The following RTTN variants were observed in gnomAD, a reference collection of about 807,000 sequenced individuals.
RTTN encodes the protein rotatin.
A neutral mutation model predicts 269.2 loss-of-function variants in RTTN; 182 were observed. That is an observed-to-expected ratio of 0.68 (90% CI 0.60 to 0.76). The LOEUF (loss-of-function observed/expected upper bound fraction) is 0.76, where lower values mean the gene tolerates loss of function less well. Among genes scored for constraint, RTTN ranks in the 30% least tolerant of loss-of-function variants. The pLI, the probability that RTTN is intolerant of heterozygous loss-of-function variation, is 0.00. For missense variants in RTTN, 2,545 were observed against 2,608.6 expected, an observed-to-expected ratio of 0.98 and a Z score of 0.53; for synonymous variants, 1,006 against 963.5, an observed-to-expected ratio of 1.04 and a Z score of -0.82.
Position 70,190,563 on chromosome 18 carries a change from T to A in RTTN, c.1164A>T (p.Glu388Asp), listed in dbSNP as rs1197674425. ...SLPQFCVSIL[E>D]SAVPLLRTGS... ...CTGTTCTTAAGAGAGGAACAGCTGATTCCAGAATGGAGACACAAAACTGGG... is the reference window on the plus strand; with the variant it reads ...CTGTTCTTAAGAGAGGAACAGCTGAATCCAGAATGGAGACACAAAACTGGG... The change falls in exon 9 of 49, where the codon GAA becomes GAT. Residue 388 changes from glutamate (E) to aspartate (D), a missense_variant. Coordinates refer to ENST00000640769, the MANE Select transcript of RTTN (RefSeq NM_173630.4). 1 of 1,613,502 alleles carries A rather than the reference T, an allele frequency of 6.2e-7. No individual in the cohort carries two copies. The highest frequency in any genetic ancestry group is 1.7e-5 in the Admixed American group (1 of 60,016).
chr18:70,204,924 T>C (rs2062037949), intron 2 of RTTN, among the ~76,000 whole-genome samples: 1 of 152,216 alleles, frequency 6.6e-6, no homozygotes, highest in South Asian at 2.1e-4. Flanking sequence ...TCTGTGTTAC[T>C]TCTGAGCACA....
At chr18:70,186,532 T>C (rs1180180553) in intron 10 of RTTN, among the ~76,000 whole-genome samples, 1 of 152,096 alleles carries the variant, frequency 6.6e-6, no homozygotes, top group East Asian at 1.9e-4. Flanking sequence ...GGCAGGCAGA[T>C]CACTTGAGGC....
At chr18:70,055,046 T>A (rs12958738) in intron 37 of RTTN, among the ~76,000 whole-genome samples, 134,250 of 152,184 alleles carry the variant, frequency 0.88, 60,589 homozygotes, top group East Asian at 1. Flanking sequence ...CAGCATAAAA[T>A]TACTATTATT....
rs191091123 is a variant in RTTN, at chr18:70,046,778, T to C, written c.5541+1193A>G. Among the ~76,000 whole-genome samples, 11 of 152,306 alleles carry C rather than the reference T, an allele frequency of 7.2e-5. No individual in the cohort carries two copies. The East Asian group carries it at 2.1e-3, about 30-fold the overall frequency. Reference sequence around the variant, plus strand: ...CTATCCAGGCTTCTGAAGGCGCTGCTGGAGATGGATGAGAAAATGGGGGAT... The same window carrying C: ...CTATCCAGGCTTCTGAAGGCGCTGCCGGAGATGGATGAGAAAATGGGGGAT... On this transcript the variant is annotated intron_variant, in intron 40 of 48. Coordinates refer to ENST00000640769, the MANE Select transcript of RTTN (RefSeq NM_173630.4).
intron 43 of RTTN, among the ~76,000 whole-genome samples, chr18:70,027,416 C>A (rs148987314): frequency 0.015 from 2,263 of 152,284 alleles, 22 homozygotes; most frequent in Non-Finnish European, 0.022. Context: ...TCTTATTAAA[C>A]AACTTAGAAA....
At position 70,017,657 on chromosome 18, in the gene RTTN, G is replaced by A; in HGVS notation, c.6171C>T (p.Asn2057=). The change falls in exon 46 of 49, where the codon AAC becomes AAT. Residue 2057 remains asparagine (N), a synonymous_variant. Coordinates refer to ENST00000640769, the MANE Select transcript of RTTN (RefSeq NM_173630.4). ...CTTTTGGCAATGCTAGAGAGAGGAA[G>A]TTCTGTAAGAAGTTACTCTGTGGAT... ...GVIQKSNFLQ[N]FLSLALPKGG... The A allele has an allele frequency of 1.2e-6, 2 of 1,611,366 alleles. No homozygotes were observed. The highest frequency in any genetic ancestry group is 1.7e-6 in the Non-Finnish European group (2 of 1,178,316).
chr18:70,199,392 GA>G, intron 5 of RTTN, 21 bp downstream of exon 5: 4 of 1,533,924 alleles, frequency 2.6e-6, no homozygotes, highest in Non-Finnish European at 3.6e-6. Context: ...AAAAATACCT[GA>G]AAATACATCA....
intron 28 of RTTN, among the ~76,000 whole-genome samples, chr18:70,096,479 T>G (rs1188786662): frequency 2.0e-5 from 3 of 152,168 alleles, no homozygotes; most frequent in Admixed American, 2.0e-4. Flanking sequence ...TTGGATGGGG[T>G]CTCTGAGTGG....
intron 34 of RTTN, among the ~76,000 whole-genome samples, chr18:70,069,962 C>T (rs958467909): frequency 2.6e-5 from 4 of 152,184 alleles, no homozygotes; most frequent in African/African-American, 7.2e-5. Context: ...AGCAGGAAAG[C>T]TTTGGCATGC....
chr18:70,102,763 C>T (rs2059204164), intron 28 of RTTN, among the ~76,000 whole-genome samples: 1 of 152,170 alleles, frequency 6.6e-6, no homozygotes, highest in African/African-American at 2.4e-5. Flanking sequence ...GTAAGGCAGG[C>T]CTGATGGTGA....
chr18:70,200,494 T>C (rs754510959), intron 4 of RTTN, among the ~76,000 whole-genome samples: 1 of 152,236 alleles, frequency 6.6e-6, no homozygotes, highest in African/African-American at 2.4e-5. Flanking sequence ...GTCTCTCATC[T>C]TGATGGAATT....
intron 6 of RTTN, 125 bp from the exon 7 acceptor site, chr18:70,196,773 G>A: frequency 1.1e-6 from 1 of 913,942 alleles, no homozygotes; most frequent in South Asian, 1.7e-5. Context: ...CCAAATATTT[G>A]TAAGACATAA....
At position 70,128,420 on chromosome 18, in the gene RTTN, C is replaced by G. The variant is rs1446827709; in HGVS notation, c.3081G>C (p.Leu1027=). Residue 1027 remains leucine (L), a synonymous_variant, in exon 24 of 49, where the codon CTG becomes CTC. Transcript: ENST00000640769. The part of the protein sequence containing the change: ...VSDMLRIAWN[L]SWYHGSDNLL... ...GATTATCACTCCCATGATACCATGA[C>G]AGGTTCCAAGCTATTCTCAGCATAT... 6.2e-7 allele frequency: 1 copy of G among 1,613,220 alleles called. No individual in the cohort carries two copies. Among genetic ancestry groups the G allele is most frequent in the Admixed American group, 1.7e-5 (1 of 59,880 alleles).
chr18:70,205,336 A>C, intron 1 of RTTN, 21 bp from the exon 2 acceptor site: 1 of 1,612,216 alleles, frequency 6.2e-7, no homozygotes, highest in Non-Finnish European at 8.5e-7. Flanking sequence ...ACGGCACAAA[A>C]CTATTTTATT....
intron 10 of RTTN, among the ~76,000 whole-genome samples, chr18:70,187,231 C>T (rs954077393): frequency 2.6e-5 from 4 of 152,036 alleles, no homozygotes; most frequent in African/African-American, 9.7e-5. Context: ...AGGGAATAAT[C>T]CTCATACCTA....
intron 8 of RTTN, among the ~76,000 whole-genome samples, chr18:70,191,195 A>C (rs567119117): frequency 1.5e-3 from 222 of 144,898 alleles, no homozygotes; most frequent in Middle Eastern, 0.011. Context: ...CTCCATCTCA[A>C]AAAAAAAAAA....
intron 26 of RTTN, among the ~76,000 whole-genome samples, chr18:70,117,249 A>T (rs913004000): frequency 6.6e-6 from 1 of 152,124 alleles, no homozygotes; most frequent in Non-Finnish European, 1.5e-5. Flanking sequence ...ATACATTCAA[A>T]GCAATTTACT....
At position 70,073,990 on chromosome 18, in the gene RTTN, TA is replaced by T; in HGVS notation, c.4568del (p.Leu1523Ter). The T allele has an allele frequency of 6.2e-7, 1 of 1,609,186 alleles. No homozygotes were observed. Among genetic ancestry groups the T allele is most frequent in the Non-Finnish European group, 8.5e-7 (1 of 1,176,088 alleles). On this transcript the variant is annotated frameshift_variant, in exon 34 of 49. Coordinates refer to ENST00000640769, the MANE Select transcript of RTTN (RefSeq NM_173630.4). LOFTEE classifies it high-confidence loss of function. Reference protein sequence around the residue: ...RNSESNDLNGLDDSFKFWRAP... With the variant: ...RNSESNDLNGXDDSFKFWRAP... Reference sequence around the variant, plus strand: ...CCCTCCAAAACTTGAATGAGTCATCTAAACCTGCAACAACGAGAAAATTGTT... The same window carrying T: ...CCCTCCAAAACTTGAATGAGTCATCTAACCTGCAACAACGAGAAAATTGTT...
chr18:70,130,003 A>G (rs992388382), intron 23 of RTTN: 1 of 152,038 alleles, frequency 6.6e-6, no homozygotes, highest in Admixed American at 6.6e-5. Flanking sequence ...AAGACATACA[A>G]ATGACCAACA....
Sources: allele counts gnomAD v4.1 joint callset (sites outside exome capture counted in the v4.1 genomes callset), GRCh38; gene constraint gnomAD v4.1.1; transcripts MANE v1.5; gene names NCBI Gene and HGNC (gene_info 2026-07-23, HGNC 2026-07-21).